Variants in ZNF709 observed in about 807,000 individuals in gnomAD.
ZNF709 encodes the protein zinc finger protein 709.
Under a neutral mutation model 10.6 loss-of-function variants are expected in ZNF709, and 15 were observed. The ratio of observed to expected loss-of-function variants is 1.41; its 90% CI spans 0.95 to 2.18. ZNF709 has a LOEUF of 2.18. Among genes scored for constraint, ZNF709 ranks in the 30% most tolerant of loss-of-function variants. The pLI is 0.00. For missense variants in ZNF709, 589 were observed against 774.0 expected, an observed-to-expected ratio of 0.76 and a Z score of 2.84; for synonymous variants, 194 against 238.8, an observed-to-expected ratio of 0.81 and a Z score of 1.73.
chr19:12,475,115 G>A (rs895360931), intron 1 of ZNF709, among the ~76,000 whole-genome samples: 7 of 151,634 alleles, frequency 4.6e-5, no homozygotes, highest in African/African-American at 7.3e-5. Context: ...AAAATTAGCC[G>A]GGCATGGTGG....
rs759990833 is a variant in ZNF709, at chr19:12,464,874, T to A, written c.1048A>T (p.Ser350Cys). 3 of 1,613,762 alleles carry A rather than the reference T, an allele frequency of 1.9e-6. No individual in the cohort carries two copies. Among genetic ancestry groups the A allele is most frequent in the Non-Finnish European group, 2.5e-6 (3 of 1,179,918 alleles). Reference protein sequence around the residue: ...ECGKAFISLPSYRRHMIMHTG... With the variant: ...ECGKAFISLPCYRRHMIMHTG... ...TGCATTATCATATGTCTTCGATAGC[T>A]TGGAAGAGAAATGAATGCTTTCCCA... Residue 350 changes from serine to cysteine, a missense_variant, in exon 4 of 4, where the codon AGC becomes TGC. Ser to Cys is a moderately radical substitution (Grantham distance 112). This residue lies in a region of ZNF709 where 418 missense variants were observed against 496.3 expected (regional missense o/e 0.84). Transcript: ENST00000397732.
chr19:12,467,996 C>T (rs1205246371), intron 1 of ZNF709, among the ~76,000 whole-genome samples: 3 of 150,966 alleles, frequency 2.0e-5, no homozygotes, highest in South Asian at 2.1e-4. Flanking sequence ...AGCCCCCGCA[C>T]GGCCAGCCGC....
intron 1 of ZNF709, among the ~76,000 whole-genome samples, chr19:12,478,715 A>G (rs1351109538): frequency 2.0e-5 from 3 of 152,204 alleles, no homozygotes; most frequent in Non-Finnish European, 4.4e-5. Flanking sequence ...AGCTTCAGAG[A>G]GCAAAGAAAG....
intron 1 of ZNF709, among the ~76,000 whole-genome samples, chr19:12,476,732 T>G (rs1466724224): frequency 2.0e-5 from 3 of 152,210 alleles, no homozygotes; most frequent in Non-Finnish European, 4.4e-5. Flanking sequence ...AGAGGGACAA[T>G]AGCTATTTCA....
chr19:12,471,505 TCAAA>T (rs1323998981), intron 1 of ZNF709, among the ~76,000 whole-genome samples: 3 of 152,064 alleles, frequency 2.0e-5, no homozygotes, highest in Admixed American at 6.6e-5. Flanking sequence ...ACAATAAATG[TCAAA>T]CAATGGGTAA....
intron 1 of ZNF709, among the ~76,000 whole-genome samples, chr19:12,480,291 T>C (rs187122243): frequency 6.6e-6 from 1 of 152,286 alleles, no homozygotes; most frequent in East Asian, 1.9e-4. Context: ...GGAGGTGCTA[T>C]TGGGAAGGAG....
chr19:12,484,789 G>T lies in ZNF709; in HGVS notation c.-132C>A. 2 of 1,278,344 alleles carry T rather than the reference G, an allele frequency of 1.6e-6. No individual in the cohort carries two copies. Among genetic ancestry groups the T allele is most frequent in the Non-Finnish European group, 2.2e-6 (2 of 912,814 alleles). 79.2% of individuals were successfully genotyped at this position (1,278,344 alleles called of 1,614,324 possible). On this transcript the variant is annotated 5_prime_UTR_variant, in exon 1 of 4. Coordinates refer to ENST00000397732, the MANE Select transcript of ZNF709 (RefSeq NM_152601.4). The stretch of plus-strand genomic sequence containing the variant: ...AGGAGACCCCAGAGCGGAGCGCAGC[G>T]GCTGGTAGCCACGCCCTCGCCGTTT...
In ZNF709 at chr19:12,461,338, T is replaced by C. The variant is rs893880170; in HGVS notation, c.*2658A>G. 6.6e-6 allele frequency: 1 copy of C among 152,146 alleles called. No homozygotes were observed. The highest frequency in any genetic ancestry group is 1.5e-5 in the Non-Finnish European group (1 of 68,028). 9.4% of individuals were successfully genotyped at this position (152,146 alleles called of 1,614,324 possible). A position where few individuals can be genotyped will look rare whatever the true frequency, so the allele number is the denominator to read the frequency against. On this transcript the variant is annotated 3_prime_UTR_variant, in exon 4 of 4. Coordinates refer to ENST00000397732, the MANE Select transcript of ZNF709 (RefSeq NM_152601.4). ...AACATACACATGGTTTTTAATCACA[T>C]ATAATGAAACAAAATTGAAAATGTA...
chr19:12,464,252 T>C lies in ZNF709; in HGVS notation c.1670A>G (p.Glu557Gly), dbSNP rs1292395566. 7 of 1,598,832 alleles carry C rather than the reference T, an allele frequency of 4.4e-6. No homozygotes were observed. Among genetic ancestry groups the C allele is most frequent in the Non-Finnish European group, 6.0e-6 (7 of 1,173,202 alleles). Reference protein sequence around the residue: ...IRIHERTHTGEKPYECKQCGK... With the variant: ...IRIHERTHTGGKPYECKQCGK... ...ACATTGTTTACACTCATAAGGTTTC[T>C]CTCCAGTGTGAGTCCTTTCATGTAT... is the stretch of plus-strand genomic sequence containing the variant. Residue 557 changes from glutamate (E) to glycine (G), a missense_variant, in exon 4 of 4, where the codon GAG becomes GGG. Physicochemically the swap from Glu to Gly is moderately conservative, Grantham distance 98 (BLOSUM62 -2). Coordinates refer to ENST00000397732, the MANE Select transcript of ZNF709 (RefSeq NM_152601.4).
At chr19:12,470,377 C>G (rs8112404) in intron 1 of ZNF709, among the ~76,000 whole-genome samples, 115,507 of 152,108 alleles carry the variant, frequency 0.76, 44,187 homozygotes, top group Non-Finnish European at 0.79. Context: ...GAGCTGATCA[C>G]GTAAGTTCTA....
chr19:12,478,028 T>C (rs572849579), intron 1 of ZNF709, among the ~76,000 whole-genome samples: 1 of 152,228 alleles, frequency 6.6e-6, no homozygotes, highest in Non-Finnish European at 1.5e-5. Context: ...GAAACATGAG[T>C]GTGCCCTATA....
rs1378763358 is a variant in ZNF709 at position 12,464,509 on chromosome 19, A to G, written c.1413T>C (p.Thr471=). 2.5e-6 allele frequency: 4 copies of G among 1,613,322 alleles called. No individual in the cohort carries two copies. Among genetic ancestry groups the G allele is most frequent in the South Asian group, 2.2e-5 (2 of 90,972 alleles). Residue 471 remains threonine (T), a synonymous_variant, in exon 4 of 4, where the codon ACT becomes ACC. Transcript: ENST00000397732. ...GTTTACATTCATAGGGTTTCTCTCC[A>G]GTGTGAATTCTTTCATGCATTCGAA... is the stretch of plus-strand genomic sequence containing the variant. The part of the protein sequence containing the change: ...SSFRMHERIH[T]GEKPYECKQC...
rs202008806 is a variant in ZNF709 at position 12,465,666 on chromosome 19, T to A, written c.256A>T (p.Thr86Ser). 1.9e-6 allele frequency: 3 copies of A among 1,611,920 alleles called. No individual in the cohort carries two copies. In the Admixed American group the frequency reaches 5.0e-5, roughly 27 times the overall value. The change falls in exon 4 of 4, where the codon ACT becomes TCT. Residue 86 changes from threonine (T) to serine (S), a missense_variant. Transcript: ENST00000397732. ...TTCTTGTTTGGTTTAGGATTTGGAG[T>A]CTGACTGATGGTTTCTCCAAACTGA... ...GSQFGETISQ[T>S]PNPKPNKKTF...
chr19:12,479,694 C>T (rs527302705), intron 1 of ZNF709, among the ~76,000 whole-genome samples: 2 of 152,168 alleles, frequency 1.3e-5, no homozygotes, highest in Admixed American at 1.3e-4. Context: ...CATGGTGAAA[C>T]CTCGTCTCTA....
chr19:12,480,471 C>A (rs1970715568), intron 1 of ZNF709, among the ~76,000 whole-genome samples: 1 of 152,082 alleles, frequency 6.6e-6, no homozygotes, highest in Non-Finnish European at 1.5e-5. Flanking sequence ...ATCATGAGGT[C>A]AGGAGATCAA....
chr19:12,468,393 C>T (rs1253789992), intron 1 of ZNF709, among the ~76,000 whole-genome samples: 2 of 151,890 alleles, frequency 1.3e-5, no homozygotes, highest in Admixed American at 6.6e-5. Flanking sequence ...TATGACCTTA[C>T]CCCCAACCCT....
Position 12,464,649 on chromosome 19 carries a change from A to G in ZNF709, c.1273T>C (p.Cys425Arg), listed in dbSNP as rs1464757164. The G allele has an allele frequency of 1.2e-6, 2 of 1,612,406 alleles. No homozygotes were observed. Among genetic ancestry groups the G allele is most frequent in the Non-Finnish European group, 1.7e-6 (2 of 1,179,186 alleles). Residue 425 changes from cysteine to arginine, a missense_variant, in exon 4 of 4, where the codon TGT (cysteine) becomes CGT (arginine). Around this residue, in one of 2 missense-constraint regions of ZNF709, gnomAD observed 171 missense variants for 277.7 expected, o/e 0.62. Transcript: ENST00000397732. ...TGEKPHECKQCGKAFSCSSSV... is the reference protein window; with the variant it reads ...TGEKPHECKQRGKAFSCSSSV... ...CTGGAACAACTGAAGGCTTTACCACATTGTTTACATTCATGGGGTTTCTCT... is the reference window on the plus strand; with the variant it reads ...CTGGAACAACTGAAGGCTTTACCACGTTGTTTACATTCATGGGGTTTCTCT...
At chr19:12,480,458 T>A (rs1599636394) in intron 1 of ZNF709, among the ~76,000 whole-genome samples, 1 of 151,910 alleles carries the variant, frequency 6.6e-6, no homozygotes, top group East Asian at 1.9e-4. Flanking sequence ...CCGAGGCGGG[T>A]GGATCATGAG....
At position 12,464,120 on chromosome 19, in the gene ZNF709, C is replaced by T. The variant is rs551968485; in HGVS notation, c.1802G>A (p.Arg601His). 9 of 1,565,228 alleles carry T rather than the reference C, an allele frequency of 5.7e-6. No individual in the cohort carries two copies. In the South Asian group the frequency reaches 6.2e-5, roughly 11 times the overall value. Residue 601 changes from arginine to histidine, a missense_variant, in exon 4 of 4, where the codon CGT becomes CAT. Transcript: ENST00000397732. ...KQCDKAFSCSRSFRIHERTHT... is the reference protein window; with the variant it reads ...KQCDKAFSCSHSFRIHERTHT... ...AGTTCGTTCATGGATTCGAAAGGAA[C>T]GTGAGCAACTGAAGGCTTTGTCACA...
Sources: allele counts gnomAD v4.1 joint callset (sites outside exome capture counted in the v4.1 genomes callset), GRCh38; gene constraint gnomAD v4.1.1; regional missense constraint gnomAD v4.1.1; transcripts MANE v1.5; gene names NCBI Gene and HGNC (gene_info 2026-07-23, HGNC 2026-07-21).